Variants in BNC2 observed in about 807,000 individuals in gnomAD.
BNC2 encodes zinc finger protein basonuclin-2.
BNC2 carries 20 observed loss-of-function variants against 76.3 expected under a neutral mutation model. The observed-to-expected ratio is 0.26, with a 90% confidence interval of 0.18 to 0.38. BNC2 has a LOEUF of 0.38. Ranked by LOEUF, BNC2 falls within the 10% of genes least tolerant of loss-of-function variation. The pLI is 1.00. For missense variants in BNC2, 1,382 were observed against 1,399.8 expected, an observed-to-expected ratio of 0.99 and a Z score of 0.20; for synonymous variants, 582 against 514.8, an observed-to-expected ratio of 1.13 and a Z score of -1.77.
intron 4 of BNC2, among the ~76,000 whole-genome samples, chr9:16,555,000 T>C (rs1818778926): frequency 6.6e-6 from 1 of 152,016 alleles, no homozygotes; most frequent in Admixed American, 6.5e-5. Context: ...CTCCCACTCA[T>C]TAAAAAAGGT....
intron 5 of BNC2, among the ~76,000 whole-genome samples, chr9:16,441,680 T>A (rs530168306): frequency 6.6e-6 from 1 of 152,202 alleles, no homozygotes; most frequent in Non-Finnish European, 1.5e-5. Flanking sequence ...TTTTAACTCA[T>A]CTGGAACAAA....
At chr9:16,530,218 A>G (rs1817935996) in intron 5 of BNC2, among the ~76,000 whole-genome samples, 1 of 152,078 alleles carries the variant, frequency 6.6e-6, no homozygotes, top group African/African-American at 2.4e-5. Flanking sequence ...ACAGGCATGA[A>G]CTACTGAAGC....
chr9:16,481,222 C>G (rs1180356608), intron 5 of BNC2, among the ~76,000 whole-genome samples: 1 of 152,048 alleles, frequency 6.6e-6, no homozygotes, highest in African/African-American at 2.4e-5. Flanking sequence ...AGCGCCCTGT[C>G]AAAACAGACT....
intron 1 of BNC2, among the ~76,000 whole-genome samples, chr9:16,817,393 T>C (rs1049612085): frequency 2.0e-5 from 3 of 152,230 alleles, no homozygotes; most frequent in African/African-American, 4.8e-5. Context: ...CAATTAAAAA[T>C]AGTAACAGCA....
intron 3 of BNC2, among the ~76,000 whole-genome samples, chr9:16,688,039 T>C (rs1350000538): frequency 6.6e-6 from 1 of 152,120 alleles, no homozygotes; most frequent in African/African-American, 2.4e-5. Context: ...CAGAAAAATA[T>C]ATCCATAAGA....
At chr9:16,832,812 G>A (rs75073657) in intron 1 of BNC2, among the ~76,000 whole-genome samples, 2,717 of 151,726 alleles carry the variant, frequency 0.018, 78 homozygotes, top group African/African-American at 0.063. Flanking sequence ...TGCAACCCCC[G>A]CCCACTGGGT....
At chr9:16,746,160 C>G (rs191795833) in intron 1 of BNC2, among the ~76,000 whole-genome samples, 1 of 152,040 alleles carries the variant, frequency 6.6e-6, no homozygotes, top group Admixed American at 6.6e-5. Context: ...ATGTTTACAC[C>G]GGAGCTCAAA....
chr9:16,814,786 T>C (rs981058454), intron 1 of BNC2, among the ~76,000 whole-genome samples: 2 of 152,210 alleles, frequency 1.3e-5, no homozygotes, highest in East Asian at 3.9e-4. Context: ...GGGGCTCCTA[T>C]ACATTATGGT....
At chr9:16,548,723 T>C (rs141567637) in intron 5 of BNC2, among the ~76,000 whole-genome samples, 2 of 152,320 alleles carry the variant, frequency 1.3e-5, no homozygotes, top group African/African-American at 4.8e-5. Flanking sequence ...TCTTTAGTAG[T>C]AGAAAAACAT....
chr9:16,771,120 G>T (rs1825821734), intron 1 of BNC2, among the ~76,000 whole-genome samples: 2 of 152,250 alleles, frequency 1.3e-5, no homozygotes. Context: ...AGCGAGCCAA[G>T]ATCACACTAC....
intron 3 of BNC2, among the ~76,000 whole-genome samples, chr9:16,637,675 T>C (rs757749457): frequency 2.6e-5 from 4 of 152,190 alleles, no homozygotes; most frequent in Non-Finnish European, 5.9e-5. Flanking sequence ...ATTTCAAAGA[T>C]GTGTACACAC....
chr9:16,629,623 C>A (rs947701743), intron 3 of BNC2, among the ~76,000 whole-genome samples: 4 of 152,124 alleles, frequency 2.6e-5, no homozygotes, highest in Admixed American at 2.6e-4. Flanking sequence ...CGGACGAACT[C>A]AGGTTCCACT....
chr9:16,452,541 C>A (rs958102729), intron 5 of BNC2, among the ~76,000 whole-genome samples: 1 of 152,214 alleles, frequency 6.6e-6, no homozygotes, highest in African/African-American at 2.4e-5. Flanking sequence ...TCCCAAGTAG[C>A]TGGGATTATA....
At chr9:16,532,877 A>G (rs1022775805) in intron 5 of BNC2, among the ~76,000 whole-genome samples, 3 of 152,232 alleles carry the variant, frequency 2.0e-5, no homozygotes, top group African/African-American at 7.2e-5. Flanking sequence ...GAAATCAGCC[A>G]TCATGGGATA....
rs370512049 is a variant in BNC2 at position 16,673,444 on chromosome 9, AC to A, written c.330+54352del. Among the ~76,000 whole-genome samples, 634 of 122,754 alleles carry A rather than the reference AC, an allele frequency of 5.2e-3. 4 individuals carry two copies. Among genetic ancestry groups the A allele is most frequent in the African/African-American group, 0.015 (482 of 31,388 alleles). 80.5% of individuals were successfully genotyped at this position (122,754 alleles called of 152,430 possible). On this transcript the variant is annotated intron_variant, in intron 3 of 6. Coordinates refer to ENST00000380672, the MANE Select transcript of BNC2 (RefSeq NM_017637.6). ...ATTCTGAGATTTAAAAAAAAAAAAA[AC>A]ACACACACACACACACACATACAAC... is the stretch of plus-strand genomic sequence containing the variant.
intron 5 of BNC2, among the ~76,000 whole-genome samples, chr9:16,548,428 T>G (rs1818556887): frequency 6.6e-6 from 1 of 151,252 alleles, no homozygotes; most frequent in Non-Finnish European, 1.5e-5. Context: ...TCTTTCGAGA[T>G]GGAGTCTCGC....
rs113222136 is a variant in BNC2 at position 16,846,794 on chromosome 9, C to T, written c.3+23852G>A. ...GTGACCAAAGCACCAGCAGGTTTTC[C>T]ATCAGCCACAATCTTTTGAAAACTT... On this transcript the variant is annotated intron_variant, in intron 1 of 6. Transcript: ENST00000380672. Among the ~76,000 whole-genome samples the T allele has an allele frequency of 4.8e-3, 737 of 152,300 alleles. 1 individual carries two copies. Among genetic ancestry groups the T allele is most frequent in the African/African-American group, 0.017 (689 of 41,554 alleles).
intron 1 of BNC2, among the ~76,000 whole-genome samples, chr9:16,864,986 T>G (rs1472984143): frequency 6.7e-6 from 1 of 150,098 alleles, no homozygotes; most frequent in Non-Finnish European, 1.5e-5. Flanking sequence ...TAAAACAGCT[T>G]GCTATACACA....
chr9:16,452,585 T>C (rs1821365069), intron 5 of BNC2, among the ~76,000 whole-genome samples: 1 of 152,160 alleles, frequency 6.6e-6, no homozygotes, highest in Non-Finnish European at 1.5e-5. Flanking sequence ...AATTTTTGTA[T>C]ATTCAGTAGA....
Sources: gnomAD v4.1 joint callset for allele counts (sites outside exome capture counted in the v4.1 genomes callset) on GRCh38, gnomAD v4.1.1 for gene constraint, MANE v1.5 for transcripts, NCBI Gene and HGNC (gene_info 2026-07-23, HGNC 2026-07-21) for gene names.